Variants in GLIS3 observed in about 807,000 individuals in gnomAD.
GLIS3 encodes the protein GLIS family zinc finger 3, also known as zinc finger protein GLIS3.
In GLIS3, 53 loss-of-function variants were observed where a neutral mutation model predicts 78.6. That is an observed-to-expected ratio of 0.67 (90% CI 0.54 to 0.85). The LOEUF is 0.85. Among genes scored for constraint, GLIS3 ranks in the 40% least tolerant of loss-of-function variants. GLIS3 has a pLI of 0.00. For missense variants in GLIS3, 1,703 were observed against 1,231.1 expected (o/e 1.38, Z -5.74); for synonymous variants, 684 against 509.9 (o/e 1.34, Z -4.60).
At chr9:4,005,362 G>T (rs867512287) in intron 4 of GLIS3, among the ~76,000 whole-genome samples, 3 of 152,270 alleles carry the variant, frequency 2.0e-5, no homozygotes, top group Non-Finnish European at 2.9e-5. Flanking sequence ...CATATACATA[G>T]ATATGTTTAT....
chr9:4,254,696 C>A (rs1424260595), intron 2 of GLIS3, among the ~76,000 whole-genome samples: 3 of 151,866 alleles, frequency 2.0e-5, no homozygotes, highest in Admixed American at 2.0e-4. Context: ...AAAAATTAGC[C>A]GGGCATGGTG....
chr9:3,848,841 C>G, intron 9 of GLIS3, among the ~76,000 whole-genome samples: 1 of 152,222 alleles, frequency 6.6e-6, no homozygotes, highest in East Asian at 1.9e-4. Flanking sequence ...TTGAACTGGA[C>G]TGACAAGCTT....
chr9:4,362,158 C>G, the GLIS3 span, among the ~76,000 whole-genome samples: 62 of 152,350 alleles, frequency 4.1e-4, no homozygotes, highest in Admixed American at 3.4e-3. Flanking sequence ...CCAGGACTGG[C>G]CATTGTGTCT....
intron 4 of GLIS3, among the ~76,000 whole-genome samples, chr9:4,042,365 T>A (rs912553876): frequency 1.3e-5 from 2 of 152,212 alleles, no homozygotes; most frequent in African/African-American, 2.4e-5. Context: ...AGACTAAACC[T>A]AAGCTATCTT....
At chr9:4,397,137 T>C in the GLIS3 span, among the ~76,000 whole-genome samples, 2 of 140,610 alleles carry the variant, frequency 1.4e-5, no homozygotes, top group South Asian at 4.7e-4. Context: ...GCCATTCTCC[T>C]GCCTCAGCCT....
rs777945478 is a variant in GLIS3, at chr9:4,118,714, G to C, written c.764C>G (p.Pro255Arg). The C allele has an allele frequency of 5.0e-6, 8 of 1,613,974 alleles. No homozygotes were observed. In the Admixed American group the frequency reaches 5.0e-5, roughly 10 times the overall value. ...ATTGCTGGACATGGATGTCCCGGGAGGAAGGCTAAGGAGATCCCCTAGATC... is the reference window on the plus strand; with the variant it reads ...ATTGCTGGACATGGATGTCCCGGGACGAAGGCTAAGGAGATCCCCTAGATC... Reference protein sequence around the residue: ...GLDLGDLLSLPPGTSMSSNSV... With the variant: ...GLDLGDLLSLRPGTSMSSNSV... The change falls in exon 4 of 11, where the codon CCT becomes CGT. Residue 255 changes from proline (P) to arginine (R), a missense_variant. Transcript: ENST00000381971. The surrounding 1 kb of genome is among the most constrained non-coding windows in gnomAD (Gnocchi z 4.7).
chr9:4,170,903 A>G (rs1202958102), intron 2 of GLIS3, among the ~76,000 whole-genome samples: 1 of 152,216 alleles, frequency 6.6e-6, no homozygotes, highest in African/African-American at 2.4e-5. Context: ...CAGGAAACAC[A>G]ATGAAGTAGA....
At chr9:4,196,414 T>C (rs1818853101) in intron 2 of GLIS3, among the ~76,000 whole-genome samples, 1 of 152,198 alleles carries the variant, frequency 6.6e-6, no homozygotes. Context: ...TTCCGCACTG[T>C]GGAAGCTTTG....
chr9:4,343,794 C>T (rs1338191721), intron 2 of GLIS3, among the ~76,000 whole-genome samples: 2 of 152,166 alleles, frequency 1.3e-5, no homozygotes, highest in Admixed American at 1.3e-4. Flanking sequence ...GGTCATTATC[C>T]TAAGTGAATT....
At chr9:4,281,684 G>A (rs1827567492) in intron 2 of GLIS3, among the ~76,000 whole-genome samples, 2 of 151,978 alleles carry the variant, frequency 1.3e-5, no homozygotes, top group Non-Finnish European at 2.9e-5. Flanking sequence ...CTTCCTTTTG[G>A]CTATCATAAA....
chr9:4,030,774 G>T (rs1386239220), intron 4 of GLIS3, among the ~76,000 whole-genome samples: 1 of 152,192 alleles, frequency 6.6e-6, no homozygotes, highest in Non-Finnish European at 1.5e-5. Context: ...GGTCAACAAA[G>T]AGTACAGGAC....
chr9:3,834,231 C>A (rs1818211540), intron 9 of GLIS3, among the ~76,000 whole-genome samples: 1 of 152,120 alleles, frequency 6.6e-6, no homozygotes, highest in Non-Finnish European at 1.5e-5. Flanking sequence ...GATGATAAAG[C>A]AGCCCCATAA....
At chr9:4,370,095 G>C in the GLIS3 span, among the ~76,000 whole-genome samples, 1 of 149,448 alleles carries the variant, frequency 6.7e-6, no homozygotes, top group East Asian at 2.0e-4. Context: ...AGGAGGCTGA[G>C]GCAGGAGAAT....
At chr9:4,323,154 C>T (rs1014036789) in intron 2 of GLIS3, among the ~76,000 whole-genome samples, 1 of 152,108 alleles carries the variant, frequency 6.6e-6, no homozygotes, top group Non-Finnish European at 1.5e-5. Context: ...TTCCCAGCAC[C>T]ATTTATTAAA....
intron 4 of GLIS3, among the ~76,000 whole-genome samples, chr9:4,001,740 T>G (rs1008175648): frequency 1.3e-5 from 2 of 152,216 alleles, no homozygotes; most frequent in African/African-American, 4.8e-5. Context: ...ATACTTTCAA[T>G]GATGCATTTT....
At chr9:4,164,764 A>G (rs946348657) in intron 2 of GLIS3, among the ~76,000 whole-genome samples, 1 of 152,250 alleles carries the variant, frequency 6.6e-6, no homozygotes, top group African/African-American at 2.4e-5. Context: ...AGGCTTACTG[A>G]AGAATGAAAA....
chr9:4,275,068 G>A (rs904810717), intron 2 of GLIS3, among the ~76,000 whole-genome samples: 4 of 152,148 alleles, frequency 2.6e-5, no homozygotes, highest in Admixed American at 6.5e-5. Flanking sequence ...GTCAGAAGTA[G>A]CAAATCTATT....
intron 1 of GLIS3, among the ~76,000 whole-genome samples, chr9:4,295,851 C>G (rs1488874662): frequency 1.3e-5 from 2 of 152,144 alleles, no homozygotes; most frequent in Non-Finnish European, 2.9e-5. Flanking sequence ...ACTTGGACAT[C>G]TTTTAATCAA....
At chr9:4,016,088 T>C (rs1055449976) in intron 4 of GLIS3, among the ~76,000 whole-genome samples, 7 of 152,134 alleles carry the variant, frequency 4.6e-5, no homozygotes, top group Non-Finnish European at 1.0e-4. Context: ...ACAGTATTTC[T>C]TCTCTGCATA....
Sources: allele counts gnomAD v4.1 joint callset (sites outside exome capture counted in the v4.1 genomes callset), GRCh38; gene constraint gnomAD v4.1.1; non-coding constraint Gnocchi (gnomAD v3.1); transcripts MANE v1.5; gene names NCBI Gene and HGNC (gene_info 2026-07-23, HGNC 2026-07-21).